Variants in MAK observed in about 807,000 individuals in gnomAD.
The protein encoded by MAK is serine/threonine-protein kinase MAK.
Under a neutral mutation model 82.6 loss-of-function variants are expected in MAK, and 65 were observed. The observed-to-expected ratio is 0.79, with a 90% CI of 0.64 to 0.97. The LOEUF (loss-of-function observed/expected upper bound fraction) is 0.97. MAK is among the 50% of genes least tolerant of loss of function. The probability of loss-of-function intolerance (pLI) is 0.00; values close to 1 mark genes in which losing one functional copy is unlikely to be tolerated. For missense variants in MAK, 703 were observed against 780.2 expected, an observed-to-expected ratio of 0.90 and a Z score of 1.18; for synonymous variants, 250 against 274.2, an observed-to-expected ratio of 0.91 and a Z score of 0.87.
At chr6:10,784,629 C>T in intron 10 of MAK, 57 bp from the exon 11 acceptor site, 5 of 1,475,728 alleles carry the variant, frequency 3.4e-6, no homozygotes, top group Non-Finnish European at 3.7e-6. Context: ...ATCTCGCCCA[C>T]CCTCTGCACA....
intron 10 of MAK, among the ~76,000 whole-genome samples, chr6:10,788,438 A>C (rs928957558): frequency 6.6e-6 from 1 of 152,136 alleles, no homozygotes; most frequent in Non-Finnish European, 1.5e-5. Flanking sequence ...GTTTTAAAAA[A>C]TGTTTTCAAG....
At chr6:10,807,801 C>T (rs909298352) in intron 6 of MAK, among the ~76,000 whole-genome samples, 27 of 151,900 alleles carry the variant, frequency 1.8e-4, no homozygotes, top group African/African-American at 6.3e-4. Context: ...CGGTGGCTCA[C>T]GCCTGTAATC....
chr6:10,799,597 A>G (rs1775852538), intron 8 of MAK, among the ~76,000 whole-genome samples: 1 of 152,196 alleles, frequency 6.6e-6, no homozygotes, highest in South Asian at 2.1e-4. Context: ...CTTTAAAGAA[A>G]CAAAACTTTC....
At chr6:10,780,796 A>G (rs770114234) in intron 11 of MAK, among the ~76,000 whole-genome samples, 26 of 152,204 alleles carry the variant, frequency 1.7e-4, no homozygotes, top group African/African-American at 6.0e-4. Context: ...AGTGAAAACT[A>G]TCTCTCATGA....
At chr6:10,784,618 GATCTCGCCCACCCTCTGCAC>G (rs56848714) in intron 10 of MAK, 46 bp from the exon 11 acceptor site, 30,810 of 1,335,950 alleles carry the variant, frequency 0.023, 550 homozygotes, top group African/African-American at 0.072. Flanking sequence ...ACAACGAGAG[GATCTCGCCCACCCTCTGCAC>G]ATCTCGCCCA....
chr6:10,835,556 C>T (rs1219959312), intron 1 of MAK, among the ~76,000 whole-genome samples: 2 of 152,238 alleles, frequency 1.3e-5, no homozygotes, highest in Admixed American at 6.5e-5. Flanking sequence ...CCACTGCGCC[C>T]AGCCATGAAA....
At chr6:10,820,784 T>C (rs1036160979) in intron 2 of MAK, among the ~76,000 whole-genome samples, 3 of 152,188 alleles carry the variant, frequency 2.0e-5, no homozygotes, top group Non-Finnish European at 4.4e-5. Flanking sequence ...TTCAGTGCCA[T>C]AGATTTATAA....
At position 10,775,353 on chromosome 6, in the gene MAK, T is replaced by G; in HGVS notation, c.1572A>C (p.Glu524Asp). The change falls in exon 12 of 15, where the codon GAA (glutamate) becomes GAC (aspartate). Residue 524 changes from glutamate to aspartate, a missense_variant. By Grantham distance (45) the Glu-to-Asp change is conservative. Transcript: ENST00000354489. The part of the protein sequence containing the change: ...FPKSLGPVGA[E>D]LAFKRSNAEE... ...CTGCATTGCTCCTTTTGAAAGCAAG[T>G]TCTGCCCCAACGGGTCCCAGTGACT... 6 of 1,613,882 alleles carry G rather than the reference T, an allele frequency of 3.7e-6. No individual in the cohort carries two copies. The highest frequency in any genetic ancestry group is 4.2e-6 in the Non-Finnish European group (5 of 1,179,822).
intron 2 of MAK, 45 bp downstream of exon 2, chr6:10,830,503 G>A (rs773998635): frequency 1.4e-6 from 2 of 1,460,700 alleles, no homozygotes; most frequent in Non-Finnish European, 1.9e-6. Context: ...GGAAAATAAA[G>A]AGCAGAGTTT....
intron 10 of MAK, among the ~76,000 whole-genome samples, chr6:10,791,421 C>T (rs2127542076): frequency 6.6e-6 from 1 of 152,200 alleles, no homozygotes; most frequent in African/African-American, 2.4e-5. Context: ...TGCACACCAC[C>T]ACACCCAGCT....
Position 10,784,457 on chromosome 6 carries a change from G to C in MAK, c.1432C>G (p.Gln478Glu). 6.2e-7 allele frequency: 1 copy of C among 1,614,172 alleles called. No individual in the cohort carries two copies. Among genetic ancestry groups the C allele is most frequent in the Non-Finnish European group, 8.5e-7 (1 of 1,180,018 alleles). ...SELSTAPTSK[Q>E]YYLKQSRYLP... ...TATCTTGATTGTTTCAAGTAGTACT[G>C]TTTAGAGGTTGGAGCAGTTGACAAT... is the stretch of plus-strand genomic sequence containing the variant. The change falls in exon 11 of 15, where the codon CAG (glutamine) becomes GAG (glutamate). Residue 478 changes from glutamine to glutamate, a missense_variant. Gln to Glu is a conservative substitution (Grantham distance 29). Transcript: ENST00000354489.
chr6:10,790,511 T>C (rs1774983865), intron 10 of MAK, among the ~76,000 whole-genome samples: 1 of 152,058 alleles, frequency 6.6e-6, no homozygotes, highest in African/African-American at 2.4e-5. Flanking sequence ...ACCTCACTTA[T>C]AAAAAGTAAA....
chr6:10,837,342 C>A (rs541865728), intron 1 of MAK, among the ~76,000 whole-genome samples: 18 of 152,358 alleles, frequency 1.2e-4, no homozygotes, highest in African/African-American at 4.3e-4. Flanking sequence ...AAGCACAGTT[C>A]TCTGTGCTCA....
Position 10,803,802 on chromosome 6 carries a change from T to C in MAK, c.581A>G (p.Tyr194Cys), listed in dbSNP as rs752496358. Residue 194 changes from tyrosine to cysteine, a missense_variant, in exon 7 of 15, where the codon TAT (tyrosine) becomes TGT (cysteine). By Grantham distance (194) the Tyr-to-Cys change is radical. Transcript: ENST00000354489. ...WAVGSIMAEL[Y>C]MLRPLFPGTS... The stretch of plus-strand genomic sequence containing the variant: ...CCCTGGGAAAAGTGGCCTTAACATA[T>C]AGAGTTCAGCCATGATACTTCCAAC... The C allele has an allele frequency of 2.5e-6, 4 of 1,613,942 alleles. No homozygotes were observed. The highest frequency in any genetic ancestry group is 4.5e-5 in the East Asian group (2 of 44,870).
chr6:10,807,923 C>G (rs1338218770), intron 6 of MAK, among the ~76,000 whole-genome samples: 1 of 151,982 alleles, frequency 6.6e-6, no homozygotes, highest in African/African-American at 2.4e-5. Context: ...CAAAAATTAG[C>G]TGGGCATGGT....
chr6:10,766,823 C>A (rs1052544114), intron 14 of MAK, among the ~76,000 whole-genome samples: 4 of 151,566 alleles, frequency 2.6e-5, no homozygotes, highest in African/African-American at 9.8e-5. Flanking sequence ...AAAAGAGAAG[C>A]CTTTTTCCAG....
intron 13 of MAK, among the ~76,000 whole-genome samples, chr6:10,771,923 T>A (rs1233936291): frequency 6.6e-6 from 1 of 152,262 alleles, no homozygotes; most frequent in Non-Finnish European, 1.5e-5. Context: ...GCAGCTTCAG[T>A]CATGTCTCTT....
intron 6 of MAK, among the ~76,000 whole-genome samples, chr6:10,807,334 T>TC (rs1348517992): frequency 7.8e-6 from 1 of 127,900 alleles, no homozygotes; most frequent in Non-Finnish European, 1.6e-5. Context: ...ACACATATAT[T>TC]CCTTTTTTTT....
Position 10,763,485 on chromosome 6 carries a change from C to T in MAK, c.*967G>A, listed in dbSNP as rs893957231. The stretch of plus-strand genomic sequence containing the variant: ...TACTGGTCAAGATCAAAACACAAGC[C>T]GTCCACTAAAATCAAGTGGCATAAC... On this transcript the variant is annotated 3_prime_UTR_variant, in exon 15 of 15. Coordinates refer to ENST00000354489, the MANE Select transcript of MAK (RefSeq NM_001242957.3). 13 of 151,620 alleles carry T rather than the reference C, an allele frequency of 8.6e-5. No individual in the cohort carries two copies. The highest frequency in any genetic ancestry group is 2.4e-4 in the African/African-American group (10 of 41,202). 9.4% of individuals were successfully genotyped at this position (151,620 alleles called of 1,614,324 possible). A position where few individuals can be genotyped will look rare whatever the true frequency, so the allele number is the denominator to read the frequency against.
Sources: gnomAD v4.1 joint callset for allele counts (sites outside exome capture counted in the v4.1 genomes callset) on GRCh38, gnomAD v4.1.1 for gene constraint, MANE v1.5 for transcripts, NCBI Gene and HGNC (gene_info 2026-07-23, HGNC 2026-07-21) for gene names.